Variants in CSMD1 observed in about 807,000 individuals in gnomAD.
CSMD1 encodes the protein CUB and Sushi multiple domains 1.
In CSMD1, 213 loss-of-function variants were observed where a neutral mutation model predicts 417.5. The observed-to-expected ratio is 0.51, with a 90% confidence interval of 0.46 to 0.57. The LOEUF (loss-of-function observed/expected upper bound fraction) is 0.57. Ranked by LOEUF, CSMD1 falls within the 20% of genes least tolerant of loss-of-function variation. CSMD1 has a pLI of 0.00. For synonymous variants in CSMD1, 2,862 were observed against 1,736.8 expected, an observed-to-expected ratio of 1.65 and a Z score of -16.11; for missense variants, 6,923 against 4,529.7, an observed-to-expected ratio of 1.53 and a Z score of -15.17.
At chr8:3,195,185 T>C (rs893402043) in intron 33 of CSMD1, among the ~76,000 whole-genome samples, 24 of 152,048 alleles carry the variant, frequency 1.6e-4, no homozygotes, top group Non-Finnish European at 2.9e-5. Context: ...GTAGCATGGA[T>C]GAGGTACTCT....
At chr8:4,768,623 C>A (rs12550274) in intron 1 of CSMD1, among the ~76,000 whole-genome samples, 3 of 151,812 alleles carry the variant, frequency 2.0e-5, no homozygotes, top group Non-Finnish European at 4.4e-5. Context: ...GTCTTCTCTG[C>A]GTGGAAGGGG....
intron 1 of CSMD1, among the ~76,000 whole-genome samples, chr8:4,717,550 C>CTATG: frequency 9.2e-6 from 1 of 108,548 alleles, no homozygotes; most frequent in Non-Finnish European, 1.7e-5. Flanking sequence ...GTCTGTCTAC[C>CTATG]TATCTATCTA....
intron 2 of CSMD1, among the ~76,000 whole-genome samples, chr8:4,610,556 C>G (rs765612265): frequency 6.6e-6 from 1 of 152,068 alleles, no homozygotes; most frequent in African/African-American, 2.4e-5. Flanking sequence ...TCATGTTTGC[C>G]GTTTTGTCAT....
At chr8:3,662,971 G>T (rs1798495887) in intron 7 of CSMD1, among the ~76,000 whole-genome samples, 1 of 152,014 alleles carries the variant, frequency 6.6e-6, no homozygotes, top group African/African-American at 2.4e-5. Flanking sequence ...AAACCTGCAG[G>T]TTCTGCACAA....
In CSMD1 at chr8:4,720,240, G is replaced by T. The variant is rs1400843613; in HGVS notation, c.86-82682C>A. On this transcript the variant is annotated intron_variant, in intron 1 of 69. Transcript: ENST00000635120. The stretch of plus-strand genomic sequence containing the variant: ...GTTTCTTAGTAATAATATATAAAGG[G>T]AATGTATCATTTTTGGAAAAGTTGG... Among the ~76,000 whole-genome samples, 5 of 151,650 alleles carry T rather than the reference G, an allele frequency of 3.3e-5. No individual in the cohort carries two copies. The East Asian group carries it at 5.8e-4, about 18-fold the overall frequency.
At chr8:3,873,832 T>C (rs1019779289) in intron 5 of CSMD1, among the ~76,000 whole-genome samples, 3 of 152,168 alleles carry the variant, frequency 2.0e-5, no homozygotes, top group African/African-American at 4.8e-5. Flanking sequence ...ACGGTGTTTG[T>C]AGTTTCTGGA....
intron 3 of CSMD1, among the ~76,000 whole-genome samples, chr8:4,313,554 G>A (rs574949401): frequency 1.3e-5 from 2 of 150,494 alleles, no homozygotes; most frequent in East Asian, 3.9e-4. Context: ...GAGGAAATAC[G>A]TGTTATGGGA....
intron 3 of CSMD1, among the ~76,000 whole-genome samples, chr8:4,215,769 T>C (rs1226427555): frequency 2.0e-5 from 3 of 152,206 alleles, no homozygotes; most frequent in Non-Finnish European, 4.4e-5. Context: ...TTTAAAACAT[T>C]GTTTTCTTGG....
Position 4,470,847 on chromosome 8 carries a change from ATTTT to A in CSMD1, c.303-50786_303-50783del, listed in dbSNP as rs538744340. On this transcript the variant is annotated intron_variant, in intron 2 of 69. Transcript: ENST00000635120. ...TCGATGTTGTCTCTGGGCTTCTTTG[ATTTT>A]TTTTGAGTTATGTAAAACTGAATTA... Among the ~76,000 whole-genome samples, 598 of 152,052 alleles carry A rather than the reference ATTTT, an allele frequency of 3.9e-3. 5 individuals carry two copies. The highest frequency in any genetic ancestry group is 0.01 in the Middle Eastern group (3 of 294).
intron 2 of CSMD1, among the ~76,000 whole-genome samples, chr8:4,526,380 T>C (rs1796513450): frequency 6.6e-6 from 1 of 152,232 alleles, no homozygotes; most frequent in African/African-American, 2.4e-5. Context: ...GGTCTCCTCC[T>C]TCAACAAGAA....
At chr8:3,282,366 C>G (rs920029984) in intron 26 of CSMD1, among the ~76,000 whole-genome samples, 1 of 151,846 alleles carries the variant, frequency 6.6e-6, no homozygotes, top group Non-Finnish European at 1.5e-5. Flanking sequence ...CAAAACTACT[C>G]TAAAAAAATA....
At chr8:4,222,015 C>A (rs1801060330) in intron 3 of CSMD1, among the ~76,000 whole-genome samples, 1 of 150,242 alleles carries the variant, frequency 6.7e-6, no homozygotes, top group Admixed American at 6.7e-5. Flanking sequence ...ACCACATAAA[C>A]CTGTACATTT....
At chr8:4,707,812 G>A (rs570284228) in intron 1 of CSMD1, among the ~76,000 whole-genome samples, 1 of 147,660 alleles carries the variant, frequency 6.8e-6, no homozygotes, top group Admixed American at 6.9e-5. Flanking sequence ...GCTTGAACTC[G>A]GGAGGGAGAG....
intron 3 of CSMD1, among the ~76,000 whole-genome samples, chr8:4,399,700 G>C (rs1450080676): frequency 6.6e-6 from 1 of 151,852 alleles, no homozygotes; most frequent in Non-Finnish European, 1.5e-5. Flanking sequence ...AACTCCTTTT[G>C]AAAAAAGCAG....
intron 9 of CSMD1, among the ~76,000 whole-genome samples, chr8:3,583,536 G>C (rs1800470803): frequency 6.6e-6 from 1 of 151,988 alleles, no homozygotes; most frequent in Non-Finnish European, 1.5e-5. Flanking sequence ...AACACAGATG[G>C]ACAGCTAAGG....
rs1175857731 is a variant in CSMD1, at chr8:4,713,112, G to A, written c.86-75554C>T. Among the ~76,000 whole-genome samples, 4 of 152,164 alleles carry A rather than the reference G, an allele frequency of 2.6e-5. No individual in the cohort carries two copies. In the South Asian group the frequency reaches 6.2e-4, roughly 24 times the overall value. On this transcript the variant is annotated intron_variant, in intron 1 of 69. Coordinates refer to ENST00000635120, the MANE Select transcript of CSMD1 (RefSeq NM_033225.6). The stretch of plus-strand genomic sequence containing the variant: ...TCCCCACCATTAAAGTCATTCATTT[G>A]AGTTAAGAAAATTGCCACTAGGACC...
intron 3 of CSMD1, among the ~76,000 whole-genome samples, chr8:4,413,045 A>G (rs1796734264): frequency 1.3e-5 from 2 of 151,940 alleles, no homozygotes; most frequent in African/African-American, 4.9e-5. Context: ...CCAGAAAAAT[A>G]GACTTACAAA....
intron 2 of CSMD1, among the ~76,000 whole-genome samples, chr8:4,596,346 C>G (rs1397073998): frequency 6.6e-6 from 1 of 152,174 alleles, no homozygotes; most frequent in African/African-American, 2.4e-5. Flanking sequence ...GAAACCTCCT[C>G]TCTAAGGGTC....
chr8:3,983,465 C>G (rs1036178758), intron 5 of CSMD1, among the ~76,000 whole-genome samples: 11 of 152,088 alleles, frequency 7.2e-5, no homozygotes, highest in African/African-American at 2.7e-4. Flanking sequence ...TATAAGTCAC[C>G]AGGGTAGATA....
Sources: gnomAD v4.1 joint callset for allele counts (sites outside exome capture counted in the v4.1 genomes callset) on GRCh38, gnomAD v4.1.1 for gene constraint, MANE v1.5 for transcripts, NCBI Gene and HGNC (gene_info 2026-07-23, HGNC 2026-07-21) for gene names.